The following MGAT4C variants were observed in gnomAD, a reference collection of about 807,000 sequenced individuals.
MGAT4C encodes the protein MGAT4 family member C, also known as alpha-1,3-mannosyl-glycoprotein 4-beta-N-acetylglucosaminyltransferase C.
Under a neutral mutation model 40.1 loss-of-function variants are expected in MGAT4C, and 19 were observed. That is an observed-to-expected ratio of 0.47 (90% CI 0.33 to 0.70). The LOEUF (loss-of-function observed/expected upper bound fraction) is 0.70, where lower values mean the gene tolerates loss of function less well. Among genes scored for constraint, MGAT4C ranks in the 30% least tolerant of loss-of-function variants. The pLI is 0.02. For missense variants in MGAT4C, 491 were observed against 563.2 expected (o/e 0.87, Z 1.30); for synonymous variants, 181 against 187.1 (o/e 0.97, Z 0.27).
intron 2 of MGAT4C, among the ~76,000 whole-genome samples, chr12:86,597,636 T>G (rs1961592596): frequency 6.6e-6 from 1 of 152,150 alleles, no homozygotes; most frequent in Middle Eastern, 3.2e-3. Flanking sequence ...ATGAAACTAC[T>G]GACTCAGCTG....
At chr12:86,293,216 G>T (rs952428940) in intron 4 of MGAT4C, among the ~76,000 whole-genome samples, 1 of 152,092 alleles carries the variant, frequency 6.6e-6, no homozygotes, top group Non-Finnish European at 1.5e-5. Flanking sequence ...TTCAGTGTGT[G>T]CATGGAGACA....
intron 1 of MGAT4C, among the ~76,000 whole-genome samples, chr12:86,124,482 T>C (rs1879933592): frequency 6.6e-6 from 1 of 152,174 alleles, no homozygotes; most frequent in African/African-American, 2.4e-5. Flanking sequence ...GGGAAAAGTG[T>C]AAAGTATGAG....
chr12:86,202,208 C>T (rs839155), intron 1 of MGAT4C, among the ~76,000 whole-genome samples: 99,991 of 151,846 alleles, frequency 0.66, 33,403 homozygotes, highest in South Asian at 0.75. Context: ...AGTAAGAAAG[C>T]ATCAATATTC....
chr12:86,070,443 G>T (rs976400422), intron 1 of MGAT4C, among the ~76,000 whole-genome samples: 3 of 152,034 alleles, frequency 2.0e-5, no homozygotes, highest in Admixed American at 1.3e-4. Context: ...AATCAACAGG[G>T]AGGTAAAAGC....
intron 1 of MGAT4C, among the ~76,000 whole-genome samples, chr12:86,752,162 A>G (rs1406446470): frequency 6.6e-6 from 1 of 152,006 alleles, no homozygotes; most frequent in Non-Finnish European, 1.5e-5. Flanking sequence ...TGCTCTAAAG[A>G]GATATTTCTG....
chr12:86,374,274 A>G (rs970242115), intron 3 of MGAT4C, among the ~76,000 whole-genome samples: 2 of 152,268 alleles, frequency 1.3e-5, no homozygotes, highest in Non-Finnish European at 2.9e-5. Flanking sequence ...ATGATACTGA[A>G]ACACTGAAGG....
chr12:86,336,781 G>C (rs907092469), intron 3 of MGAT4C, among the ~76,000 whole-genome samples: 4 of 152,070 alleles, frequency 2.6e-5, no homozygotes, highest in Non-Finnish European at 5.9e-5. Flanking sequence ...GAAATGGGAG[G>C]GGTGTCAGGA....
rs376796898 is a variant in MGAT4C at position 86,609,040 on chromosome 12, C to A, written c.-229+118169G>T. ...ACTAAGATATTTTGACAAAAAAGAG[C>A]ATGCCAAAGAAATTGTAGGCATGCT... On this transcript the variant is annotated intron_variant, in intron 2 of 7. Coordinates refer to the MGAT4C transcript ENST00000548651. Among the ~76,000 whole-genome samples, 11 of 152,092 alleles carry A rather than the reference C, an allele frequency of 7.2e-5. No individual in the cohort carries two copies. In the East Asian group the frequency reaches 1.5e-3, roughly 21 times the overall value.
chr12:86,431,470 C>T (rs1053896707), intron 3 of MGAT4C, among the ~76,000 whole-genome samples: 8 of 152,094 alleles, frequency 5.3e-5, no homozygotes, highest in Admixed American at 2.6e-4. Flanking sequence ...TTGCTTGACC[C>T]CAAATCTCCC....
chr12:86,034,735 C>T lies in MGAT4C; in HGVS notation c.-7+14939G>A, dbSNP rs369272848. Among the ~76,000 whole-genome samples, 9 of 149,230 alleles carry T rather than the reference C, an allele frequency of 6.0e-5. 1 individual carries two copies. The highest frequency in any genetic ancestry group is 1.5e-4 in the African/African-American group (6 of 41,156). The stretch of plus-strand genomic sequence containing the variant: ...CTAATGCTATCCCTACCCTAGCCCC[C>T]GACACCCCAACAGGTTCCGGTGTGT... On this transcript the variant is annotated intron_variant, in intron 2 of 4. Coordinates refer to ENST00000611864, the MANE Select transcript of MGAT4C (RefSeq NM_001351288.2).
chr12:86,114,215 G>A (rs1345995069), intron 1 of MGAT4C, among the ~76,000 whole-genome samples: 1 of 151,684 alleles, frequency 6.6e-6, no homozygotes, highest in Non-Finnish European at 1.5e-5. Flanking sequence ...CTCACGTTCT[G>A]CTCTGGCTTC....
chr12:86,748,883 TATTTAA>T (rs1301416781), intron 1 of MGAT4C, among the ~76,000 whole-genome samples: 1 of 151,438 alleles, frequency 6.6e-6, no homozygotes, highest in Non-Finnish European at 1.5e-5. Flanking sequence ...TAGTTATTAA[TATTTAA>T]AAGTGTTGAG....
chr12:86,225,385 A>G (rs776646801), intron 1 of MGAT4C, among the ~76,000 whole-genome samples: 1 of 152,116 alleles, frequency 6.6e-6, no homozygotes, highest in Non-Finnish European at 1.5e-5. Flanking sequence ...ACTAATATCA[A>G]TCTTCCTGAA....
chr12:86,262,090 A>G (rs557483616), intron 4 of MGAT4C, among the ~76,000 whole-genome samples: 4 of 152,112 alleles, frequency 2.6e-5, no homozygotes, highest in Non-Finnish European at 1.5e-5. Context: ...TGATCTGACC[A>G]CAATCTCTCT....
At chr12:86,359,312 G>A (rs112275902) in intron 3 of MGAT4C, among the ~76,000 whole-genome samples, 1 of 151,964 alleles carries the variant, frequency 6.6e-6, no homozygotes, top group Non-Finnish European at 1.5e-5. Flanking sequence ...AGAATCTCTG[G>A]GACACATTTA....
chr12:86,367,386 T>G (rs888400788), intron 3 of MGAT4C, among the ~76,000 whole-genome samples: 1 of 152,070 alleles, frequency 6.6e-6, no homozygotes, highest in Non-Finnish European at 1.5e-5. Flanking sequence ...TTGGGGAGTA[T>G]GCCAGCAGCT....
intron 3 of MGAT4C, among the ~76,000 whole-genome samples, chr12:86,416,443 G>C (rs1303614305): frequency 6.6e-6 from 1 of 152,088 alleles, no homozygotes; most frequent in Non-Finnish European, 1.5e-5. Flanking sequence ...CTGAATAGCT[G>C]TGACATTAAG....
At chr12:86,367,340 C>A (rs1325615274) in intron 3 of MGAT4C, among the ~76,000 whole-genome samples, 2 of 152,138 alleles carry the variant, frequency 1.3e-5, no homozygotes, top group Non-Finnish European at 2.9e-5. Flanking sequence ...CCCTTCAGGT[C>A]CGCTAAGATA....
At chr12:86,306,794 T>C (rs1953943441) in intron 4 of MGAT4C, among the ~76,000 whole-genome samples, 4 of 150,456 alleles carry the variant, frequency 2.7e-5, no homozygotes, top group Admixed American at 2.6e-4. Flanking sequence ...ACAAATATTT[T>C]TGAAATGTAG....
Sources: gnomAD v4.1 joint callset for allele counts (sites outside exome capture counted in the v4.1 genomes callset) on GRCh38, gnomAD v4.1.1 for gene constraint, MANE v1.5 for transcripts, NCBI Gene and HGNC (gene_info 2026-07-23, HGNC 2026-07-21) for gene names.